The following ANTXR1 variants were observed in gnomAD, a reference collection of about 807,000 sequenced individuals.
ANTXR1 encodes ANTXR cell adhesion molecule 1.
A neutral mutation model predicts 78.1 loss-of-function variants in ANTXR1; 19 were observed. The observed-to-expected ratio is 0.24, with a 90% CI of 0.17 to 0.36. The LOEUF (loss-of-function observed/expected upper bound fraction) is 0.36, where lower values mean the gene tolerates loss of function less well. Among genes scored for constraint, ANTXR1 ranks in the 10% least tolerant of loss-of-function variants. The probability of loss-of-function intolerance (pLI) is 1.00; values close to 1 mark genes in which losing one functional copy is unlikely to be tolerated. For synonymous variants in ANTXR1, 273 were observed against 260.5 expected, an observed-to-expected ratio of 1.05 and a Z score of -0.46; for missense variants, 518 against 718.6, an observed-to-expected ratio of 0.72 and a Z score of 3.19.
At chr2:69,241,476 C>A (rs1675892580) in intron 17 of ANTXR1, among the ~76,000 whole-genome samples, 1 of 152,138 alleles carries the variant, frequency 6.6e-6, no homozygotes, top group African/African-American at 2.4e-5. Context: ...CGAGTCTGCA[C>A]CTTTTTTCAG....
At chr2:69,179,581 G>A (rs549202998) in intron 14 of ANTXR1, among the ~76,000 whole-genome samples, 15 of 151,870 alleles carry the variant, frequency 9.9e-5, no homozygotes, top group Non-Finnish European at 1.5e-4. Flanking sequence ...AAAAATGAGC[G>A]TGTATTTGTT....
chr2:69,049,777 T>A (rs1211920334), intron 3 of ANTXR1, among the ~76,000 whole-genome samples: 1 of 152,212 alleles, frequency 6.6e-6, no homozygotes, highest in Non-Finnish European at 1.5e-5. Flanking sequence ...CATTCTAAAA[T>A]TTTCAGACTT....
chr2:69,014,473 G>C (rs917576799), intron 1 of ANTXR1, among the ~76,000 whole-genome samples: 1 of 152,150 alleles, frequency 6.6e-6, no homozygotes, highest in East Asian at 1.9e-4. Context: ...CAGGAGCCCT[G>C]GTTTCCTTGC....
chr2:69,173,869 T>A (rs1674052992), intron 14 of ANTXR1, among the ~76,000 whole-genome samples: 1 of 152,260 alleles, frequency 6.6e-6, no homozygotes, highest in African/African-American at 2.4e-5. Context: ...TCCTTTCCCA[T>A]GTCCTGTCTC....
At chr2:69,227,536 G>A (rs1490979247) in intron 17 of ANTXR1, among the ~76,000 whole-genome samples, 1 of 152,180 alleles carries the variant, frequency 6.6e-6, no homozygotes, top group Non-Finnish European at 1.5e-5. Flanking sequence ...ATTTAGGTTA[G>A]AAGTTCAGCT....
At chr2:69,101,994 A>G (rs1044057152) in intron 9 of ANTXR1, among the ~76,000 whole-genome samples, 1 of 152,258 alleles carries the variant, frequency 6.6e-6, no homozygotes, top group Non-Finnish European at 1.5e-5. Context: ...ATTCATGTGC[A>G]TTAATCAAAC....
intron 1 of ANTXR1, among the ~76,000 whole-genome samples, chr2:69,039,101 C>T (rs1669537565): frequency 6.6e-6 from 1 of 152,048 alleles, no homozygotes; most frequent in Non-Finnish European, 1.5e-5. Flanking sequence ...AAACTCTAAC[C>T]TCAACAGTTA....
At chr2:69,160,527 T>A (rs970437825) in intron 13 of ANTXR1, among the ~76,000 whole-genome samples, 1 of 152,186 alleles carries the variant, frequency 6.6e-6, no homozygotes, top group African/African-American at 2.4e-5. Flanking sequence ...TTCCCTGGTC[T>A]GTGGTTTTCA....
chr2:69,034,476 G>T (rs1671617548), intron 1 of ANTXR1, among the ~76,000 whole-genome samples: 1 of 152,240 alleles, frequency 6.6e-6, no homozygotes, highest in Non-Finnish European at 1.5e-5. Flanking sequence ...ATCCCAAGAA[G>T]AGGTCTGGAC....
intron 14 of ANTXR1, among the ~76,000 whole-genome samples, chr2:69,176,374 G>C (rs1674119014): frequency 6.6e-6 from 1 of 152,058 alleles, no homozygotes; most frequent in Admixed American, 6.5e-5. Flanking sequence ...AGTATTGCTG[G>C]ATCTTTCTGA....
intron 16 of ANTXR1, among the ~76,000 whole-genome samples, chr2:69,191,229 A>G (rs1259307152): frequency 6.6e-6 from 1 of 152,230 alleles, no homozygotes; most frequent in African/African-American, 2.4e-5. Flanking sequence ...GATGAGAAAC[A>G]CTACACTTGG....
intron 10 of ANTXR1, among the ~76,000 whole-genome samples, chr2:69,113,927 T>C (rs1016920293): frequency 6.6e-6 from 1 of 152,260 alleles, no homozygotes; most frequent in Non-Finnish European, 1.5e-5. Flanking sequence ...ACTTAGAAGA[T>C]AATTTGTAAG....
At chr2:69,024,356 A>G (rs1272435045) in intron 1 of ANTXR1, among the ~76,000 whole-genome samples, 1 of 152,236 alleles carries the variant, frequency 6.6e-6, no homozygotes, top group African/African-American at 2.4e-5. Flanking sequence ...GGTATGGATA[A>G]TAAATAATAT....
At chr2:69,118,855 G>A (rs1008942054) in intron 10 of ANTXR1, among the ~76,000 whole-genome samples, 1 of 152,064 alleles carries the variant, frequency 6.6e-6, no homozygotes, top group African/African-American at 2.4e-5. Context: ...GAGAGAGAGA[G>A]AAAAAAGTCA....
chr2:69,051,636 C>T (rs6546476), intron 3 of ANTXR1, among the ~76,000 whole-genome samples: 52,250 of 151,764 alleles, frequency 0.34, 15,004 homozygotes, highest in African/African-American at 0.75. Context: ...AAAATATGTA[C>T]ACTTTGATGA....
At chr2:69,244,139 T>C (rs1365742822) in intron 17 of ANTXR1, among the ~76,000 whole-genome samples, 1 of 152,188 alleles carries the variant, frequency 6.6e-6, no homozygotes, top group Non-Finnish European at 1.5e-5. Flanking sequence ...AGAGAAAGCA[T>C]GCCTGTGACT....
In ANTXR1 at chr2:69,183,590, T is replaced by G. The variant is rs537866375; in HGVS notation, c.1353+930T>G. Among the ~76,000 whole-genome samples, 170 of 143,028 alleles carry G rather than the reference T, an allele frequency of 1.2e-3. 3 individuals are homozygous for G. The highest frequency in any genetic ancestry group is 1.5e-3 in the Non-Finnish European group (97 of 66,286). The allele number at this position is 143,028 out of a possible 152,430, so 93.8% of individuals were successfully genotyped here. On this transcript the variant is annotated intron_variant, in intron 16 of 17. Transcript: ENST00000303714. ...CTAATTTTTGTTTTTTTTTTTTTTTTTTTTTTTTTGAGGGACGGATTTCAC... is the reference window on the plus strand; with the variant it reads ...CTAATTTTTGTTTTTTTTTTTTTTTGTTTTTTTTTGAGGGACGGATTTCAC...
At position 69,013,786 on chromosome 2, in the gene ANTXR1, C is replaced by A; in HGVS notation, c.152+135C>A. ...GGCCACAGAGGGACCGCGCGGCAGG[C>A]GGCGGCGGAGTGCTGCGCCTTTGTT... On this transcript the variant is annotated intron_variant, in intron 1 of 17. Transcript: ENST00000303714. This position sits in a 1 kb window ranked among gnomAD's most constrained non-coding sequence, Gnocchi z 5.0. 1 of 1,453,476 alleles carries A rather than the reference C, an allele frequency of 6.9e-7. No individual in the cohort carries two copies. The highest frequency in any genetic ancestry group is 9.4e-7 in the Non-Finnish European group (1 of 1,063,472). The allele number at this position is 1,453,476 out of a possible 1,614,324, so 90.0% of individuals were successfully genotyped here.
At chr2:69,032,239 G>A (rs1162418238) in intron 1 of ANTXR1, among the ~76,000 whole-genome samples, 1 of 152,182 alleles carries the variant, frequency 6.6e-6, no homozygotes, top group East Asian at 1.9e-4. Flanking sequence ...ACCATAACCT[G>A]TAAATACACA....
Sources: gnomAD v4.1 joint callset for allele counts (sites outside exome capture counted in the v4.1 genomes callset) on GRCh38, gnomAD v4.1.1 for gene constraint, Gnocchi (gnomAD v3.1) non-coding constraint, MANE v1.5 for transcripts, NCBI Gene and HGNC (gene_info 2026-07-23, HGNC 2026-07-21) for gene names.